Variants in BAZ1B observed in about 807,000 individuals in gnomAD.
The protein encoded by BAZ1B is bromodomain adjacent to zinc finger domain 1B.
In BAZ1B, 22 loss-of-function variants were observed where a neutral mutation model predicts 153.8. The ratio of observed to expected loss-of-function variants is 0.14; its 90% CI spans 0.10 to 0.20. The LOEUF is 0.20. BAZ1B is among the 10% of genes least tolerant of loss of function. BAZ1B has a pLI of 1.00. For synonymous variants in BAZ1B, 676 were observed against 633.4 expected, an observed-to-expected ratio of 1.07 and a Z score of -1.01; for missense variants, 1,325 against 1,799.3, an observed-to-expected ratio of 0.74 and a Z score of 4.77.
Position 73,477,045 on chromosome 7 carries a change from T to C in BAZ1B, c.2416A>G (p.Lys806Glu). 1 of 1,614,192 alleles carries C rather than the reference T, an allele frequency of 6.2e-7. No individual in the cohort carries two copies. The highest frequency in any genetic ancestry group is 8.5e-7 in the Non-Finnish European group (1 of 1,180,034). Residue 806 changes from lysine (K) to glutamate (E), a missense_variant, in exon 7 of 20, where the codon AAA (lysine) becomes GAA (glutamate). By Grantham distance (56) the Lys-to-Glu change is moderately conservative. This residue lies in a region of BAZ1B where 431 missense variants were observed against 563.5 expected (regional missense o/e 0.76). Transcript: ENST00000339594. The surrounding 1 kb of genome is among the most constrained non-coding windows in gnomAD (Gnocchi z 5.6). ...QKRKEMEAKN[K>E]ENGKVENGLG... ...CCATTCTCAACTTTTCCATTTTCTT[T>C]ATTTTTGGCTTCCATTTCTTTCCGT...
intron 11 of BAZ1B, chr7:73,464,206 AC>A: frequency 4.1e-6 from 4 of 970,826 alleles, no homozygotes; most frequent in Non-Finnish European, 2.4e-6. Flanking sequence ...CCTAAATTCA[AC>A]CGTGAAATTG....
intron 4 of BAZ1B, 76 bp from the exon 5 acceptor site, chr7:73,492,997 C>T (rs989617958): frequency 1.2e-5 from 17 of 1,451,530 alleles, no homozygotes; most frequent in African/African-American, 1.4e-5. Flanking sequence ...CAAGTCTTAA[C>T]TGAACGTCTG....
intron 13 of BAZ1B, among the ~76,000 whole-genome samples, chr7:73,452,727 A>G (rs1788064656): frequency 6.6e-6 from 1 of 151,306 alleles, no homozygotes; most frequent in Non-Finnish European, 1.5e-5. Context: ...ATCTCGAGAA[A>G]AAAAAAAAAA....
intron 1 of BAZ1B, among the ~76,000 whole-genome samples, chr7:73,513,280 T>C (rs1260245763): frequency 1.3e-5 from 2 of 152,106 alleles, no homozygotes; most frequent in East Asian, 3.8e-4. Context: ...AGATGCTTGG[T>C]TTTCCAAGGT....
At chr7:73,486,555 T>C (rs1554574507) in intron 6 of BAZ1B, among the ~76,000 whole-genome samples, 1 of 152,170 alleles carries the variant, frequency 6.6e-6, no homozygotes, top group Non-Finnish European at 1.5e-5. Flanking sequence ...CTCGATCTCC[T>C]GACCTCGTGA....
chr7:73,505,925 A>G (rs550722370), intron 3 of BAZ1B, among the ~76,000 whole-genome samples: 3 of 152,346 alleles, frequency 2.0e-5, no homozygotes, highest in Non-Finnish European at 4.4e-5. Context: ...ATTTCGCTAC[A>G]TAACGGCTGA....
chr7:73,473,587 A>C (rs764946944), intron 7 of BAZ1B, among the ~76,000 whole-genome samples: 1 of 152,202 alleles, frequency 6.6e-6, no homozygotes, highest in Admixed American at 6.5e-5. Context: ...TACACATTAC[A>C]TATGTATACT....
chr7:73,482,785 C>G (rs576117537), intron 6 of BAZ1B, among the ~76,000 whole-genome samples: 1 of 152,092 alleles, frequency 6.6e-6, no homozygotes, highest in Admixed American at 6.6e-5. Context: ...TTGTGCCAAG[C>G]CACACCATGT....
intron 1 of BAZ1B, among the ~76,000 whole-genome samples, chr7:73,519,816 G>A (rs1203871877): frequency 1.3e-5 from 2 of 152,138 alleles, no homozygotes; most frequent in African/African-American, 2.4e-5. Context: ...GAAAGTGTGT[G>A]AGCATCCATC....
At position 73,508,448 on chromosome 7, in the gene BAZ1B, C is replaced by G. The variant is rs1554578114; in HGVS notation, c.248G>C (p.Trp83Ser). The G allele has an allele frequency of 6.2e-7, 1 of 1,612,164 alleles. No individual in the cohort carries two copies. The highest frequency in any genetic ancestry group is 8.5e-7 in the Non-Finnish European group (1 of 1,179,098). Residue 83 changes from tryptophan to serine, a missense_variant, in exon 3 of 20, where the codon TGG becomes TCG. Trp to Ser is a radical substitution (Grantham distance 177). Coordinates refer to ENST00000339594, the MANE Select transcript of BAZ1B (RefSeq NM_032408.4). ...CATTTCCAGAACAAGCTTCTCATAC[C>G]AGGCAGGAAACTCCTCCTTCAAACT... ...AELLKEEFPA[W>S]YEKLVLEMVH...
intron 1 of BAZ1B, among the ~76,000 whole-genome samples, chr7:73,514,291 G>A (rs543334959): frequency 1.4e-4 from 22 of 152,298 alleles, no homozygotes; most frequent in Non-Finnish European, 2.6e-4. Flanking sequence ...GGCATTTTGG[G>A]AGGCCAAGGC....
rs201887012 is a variant in BAZ1B at position 73,515,096 on chromosome 7, C to T, written c.108-4244G>A. ...CAAAAAAAAACAAAAAACCTCCAAA[C>T]TCACACAATCACGACGAACTCATCA... On this transcript the variant is annotated intron_variant, in intron 1 of 19. Transcript: ENST00000339594. 8.2e-4 allele frequency among the ~76,000 whole-genome samples: 125 copies of T among 152,236 alleles called. 1 individual carries two copies. Among genetic ancestry groups the T allele is most frequent in the East Asian group, 2.7e-3 (14 of 5,188 alleles).
At chr7:73,476,081 T>C (rs1182321417) in intron 7 of BAZ1B, among the ~76,000 whole-genome samples, 1 of 152,156 alleles carries the variant, frequency 6.6e-6, no homozygotes, top group Admixed American at 6.5e-5. Context: ...TATTATACAA[T>C]TCCATTTAGA....
chr7:73,507,674 A>G (rs1554577992), intron 3 of BAZ1B, among the ~76,000 whole-genome samples: 1 of 152,250 alleles, frequency 6.6e-6, no homozygotes, highest in African/African-American at 2.4e-5. Context: ...TTACAATACT[A>G]AAACATTCTC....
Position 73,522,051 on chromosome 7 carries a change from T to G in BAZ1B, c.-118A>C, listed in dbSNP as rs1554580361. 1 of 632,466 alleles carries G rather than the reference T, an allele frequency of 1.6e-6. No homozygotes were observed. Among genetic ancestry groups the G allele is most frequent in the Non-Finnish European group, 2.3e-6 (1 of 442,714 alleles). 39.2% of individuals were successfully genotyped at this position (632,466 alleles called of 1,614,324 possible). A position where few individuals can be genotyped will look rare whatever the true frequency, so the allele number is the denominator to read the frequency against. Reference sequence around the variant, plus strand: ...GGGGTGGGGTGGGGGAAGGGAGGGGTGAGAGGGCGGCGCGAACTCCGGCTC... The same window carrying G: ...GGGGTGGGGTGGGGGAAGGGAGGGGGGAGAGGGCGGCGCGAACTCCGGCTC... On this transcript the variant is annotated 5_prime_UTR_variant, in exon 1 of 20. Transcript: ENST00000339594.
chr7:73,517,678 T>C (rs190529935), intron 1 of BAZ1B, among the ~76,000 whole-genome samples: 12 of 152,360 alleles, frequency 7.9e-5, no homozygotes, highest in African/African-American at 2.2e-4. Context: ...TTGAGGTTTT[T>C]ATGTTCCAGC....
chr7:73,451,916 G>C (rs1336413440), intron 13 of BAZ1B, among the ~76,000 whole-genome samples: 1 of 152,180 alleles, frequency 6.6e-6, no homozygotes, highest in Non-Finnish European at 1.5e-5. Flanking sequence ...AGAATTTCAG[G>C]TTCGGTTCTT....
intron 4 of BAZ1B, among the ~76,000 whole-genome samples, chr7:73,494,870 A>G (rs1554576201): frequency 1.3e-5 from 2 of 152,246 alleles, no homozygotes; most frequent in East Asian, 1.9e-4. Context: ...TTTCTGCCTT[A>G]GACACTAGGT....
At chr7:73,455,293 G>A (rs1425097254) in intron 13 of BAZ1B, among the ~76,000 whole-genome samples, 1 of 152,130 alleles carries the variant, frequency 6.6e-6, no homozygotes, top group Non-Finnish European at 1.5e-5. Context: ...AAGAAGGCAG[G>A]GAGAGGCAAA....
Sources: allele counts gnomAD v4.1 joint callset (sites outside exome capture counted in the v4.1 genomes callset), GRCh38; gene constraint gnomAD v4.1.1; regional missense constraint gnomAD v4.1.1; non-coding constraint Gnocchi (gnomAD v3.1); transcripts MANE v1.5; gene names NCBI Gene and HGNC (gene_info 2026-07-23, HGNC 2026-07-21).